THSD7A: variants seen among roughly 807,000 people sequenced by gnomAD.
THSD7A encodes thrombospondin type 1 domain containing 7A.
THSD7A carries 96 observed loss-of-function variants against 231.3 expected under a neutral mutation model. That is an observed-to-expected ratio of 0.41 (90% CI 0.35 to 0.49). THSD7A has a LOEUF of 0.49. Ranked by LOEUF, THSD7A falls within the 20% of genes least tolerant of loss-of-function variation. The pLI is 0.05. For missense variants in THSD7A, 2,290 were observed against 2,070.2 expected (o/e 1.11, Z -2.06); for synonymous variants, 940 against 743.3 (o/e 1.26, Z -4.30).
At chr7:11,546,240 T>A (rs1368435417) in intron 4 of THSD7A, among the ~76,000 whole-genome samples, 1 of 111,730 alleles carries the variant, frequency 9.0e-6, no homozygotes, top group Non-Finnish European at 1.8e-5. Context: ...ACGTGGACCC[T>A]GCCACACTGC....
chr7:11,793,803 C>CA (rs1784038538), intron 1 of THSD7A, among the ~76,000 whole-genome samples: 1 of 151,806 alleles, frequency 6.6e-6, no homozygotes, highest in South Asian at 2.1e-4. Flanking sequence ...TTAATGTTGG[C>CA]ATGTTGCTTT....
intron 1 of THSD7A, among the ~76,000 whole-genome samples, chr7:11,793,822 A>C (rs1017056126): frequency 6.6e-6 from 1 of 151,956 alleles, no homozygotes; most frequent in Non-Finnish European, 1.5e-5. Context: ...TTGGACTTCC[A>C]ATGTGGGTGT....
intron 17 of THSD7A, among the ~76,000 whole-genome samples, chr7:11,413,291 T>C (rs60091879): frequency 6.6e-6 from 1 of 151,368 alleles, no homozygotes; most frequent in Admixed American, 6.6e-5. Flanking sequence ...TAATTTAGAA[T>C]TGAGAAAAAA....
intron 4 of THSD7A, among the ~76,000 whole-genome samples, chr7:11,547,246 C>G (rs1789438667): frequency 6.6e-6 from 1 of 152,138 alleles, no homozygotes; most frequent in African/African-American, 2.4e-5. Flanking sequence ...ACTACAAAAA[C>G]AAATCTAGAC....
chr7:11,407,012 A>G lies in THSD7A; in HGVS notation c.3960T>C (p.Gly1320=). 1 of 1,613,836 alleles carries G rather than the reference A, an allele frequency of 6.2e-7. No homozygotes were observed. The change falls in exon 21 of 28, where the codon GGT becomes GGC. Residue 1320 remains glycine, a synonymous_variant. Transcript: ENST00000423059. The part of the protein sequence containing the change: ...RRRTVTQPFQ[G]DGRPCPSLMD... Reference sequence around the variant, plus strand: ...TCAGGGAAGGGCATGGTCTTCCATCACCTTGAAAGGGCTGGGTCACTGTTC... The same window carrying G: ...TCAGGGAAGGGCATGGTCTTCCATCGCCTTGAAAGGGCTGGGTCACTGTTC...
At chr7:11,483,891 C>T (rs1325294410) in intron 6 of THSD7A, among the ~76,000 whole-genome samples, 4 of 152,218 alleles carry the variant, frequency 2.6e-5, no homozygotes, top group East Asian at 1.9e-4. Context: ...GACTTTGCTA[C>T]AAGGGTGCCA....
chr7:11,562,482 AT>A (rs113926690), intron 4 of THSD7A, among the ~76,000 whole-genome samples: 15 of 151,488 alleles, frequency 9.9e-5, no homozygotes, highest in Non-Finnish European at 1.8e-4. Context: ...CCTGATACGT[AT>A]TTTTTTTTCC....
In THSD7A at chr7:11,461,553, A is replaced by C. The variant is rs541677929; in HGVS notation, c.2501+458T>G. 5.3e-5 allele frequency among the ~76,000 whole-genome samples: 8 copies of C among 152,296 alleles called. No homozygotes were observed. The East Asian group carries it at 1.5e-3, about 29-fold the overall frequency. On this transcript the variant is annotated intron_variant, in intron 10 of 27. Coordinates refer to ENST00000423059, the MANE Select transcript of THSD7A (RefSeq NM_015204.3). Reference sequence around the variant, plus strand: ...TGAGGTGATCACAAATGAACAGAACAGCCATCTTACCAGCATCATTGAGAT... The same window carrying C: ...TGAGGTGATCACAAATGAACAGAACCGCCATCTTACCAGCATCATTGAGAT...
At chr7:11,423,160 C>A (rs1370865745) in intron 16 of THSD7A, among the ~76,000 whole-genome samples, 1 of 152,160 alleles carries the variant, frequency 6.6e-6, no homozygotes, top group African/African-American at 2.4e-5. Context: ...ATTGAGAGTT[C>A]AGATGGGCTT....
intron 1 of THSD7A, among the ~76,000 whole-genome samples, chr7:11,781,069 A>G (rs55709709): frequency 0.2 from 30,032 of 148,238 alleles, 3,379 homozygotes; most frequent in African/African-American, 0.29. Context: ...GCAATGAAAT[A>G]TCACAGAGGA....
At chr7:11,453,461 A>G (rs983841808) in intron 11 of THSD7A, among the ~76,000 whole-genome samples, 1 of 151,872 alleles carries the variant, frequency 6.6e-6, no homozygotes, top group South Asian at 2.1e-4. Context: ...TTTGTGGTCT[A>G]GATTCAAGAA....
At position 11,745,664 on chromosome 7, in the gene THSD7A, G is replaced by A. The variant is rs1336817522; in HGVS notation, c.190+86093C>T. Among the ~76,000 whole-genome samples, 9 of 152,092 alleles carry A rather than the reference G, an allele frequency of 5.9e-5. No homozygotes were observed. In the East Asian group the frequency reaches 1.8e-3, roughly 30 times the overall value. ...ATCCAGTTTCAGCTTTCTACATATG[G>A]CCAGCCAGTTTTCCCAGCACCATTT... On this transcript the variant is annotated intron_variant, in intron 1 of 27. Transcript: ENST00000423059.
At chr7:11,698,541 C>G (rs1361793985) in intron 1 of THSD7A, among the ~76,000 whole-genome samples, 1 of 151,336 alleles carries the variant, frequency 6.6e-6, no homozygotes, top group Admixed American at 6.6e-5. Context: ...CCCAACTGGG[C>G]CTACAGAAGC....
chr7:11,674,451 C>G (rs1306271557), intron 1 of THSD7A, among the ~76,000 whole-genome samples: 2 of 152,134 alleles, frequency 1.3e-5, no homozygotes, highest in Non-Finnish European at 2.9e-5. Context: ...CAGTGTCTAT[C>G]TGCTGGCTCT....
At chr7:11,427,921 C>T (rs1180547915) in intron 14 of THSD7A, among the ~76,000 whole-genome samples, 1 of 152,116 alleles carries the variant, frequency 6.6e-6, no homozygotes. Context: ...AAATCAGCAA[C>T]TTCACTTGGG....
In THSD7A at chr7:11,412,814, G is replaced by A. The variant is rs1402434159; in HGVS notation, c.3538-14C>T. On this transcript the variant is annotated splice_polypyrimidine_tract_variant and intron_variant, in intron 17 of 27. Transcript: ENST00000423059. ...TTGATTGCAAGGCTTAAAAAGAACA[G>A]TACAAATTCTCAGAAAGGTGAATAC... 6.2e-7 allele frequency: 1 copy of A among 1,605,678 alleles called. No homozygotes were observed. The highest frequency in any genetic ancestry group is 8.5e-7 in the Non-Finnish European group (1 of 1,175,472).
chr7:11,823,961 T>A lies in THSD7A; in HGVS notation c.190+7796A>T, dbSNP rs980971682. On this transcript the variant is annotated intron_variant, in intron 1 of 27. Coordinates refer to ENST00000423059, the MANE Select transcript of THSD7A (RefSeq NM_015204.3). The stretch of plus-strand genomic sequence containing the variant: ...ACAAGATATAAACAGTAGTGTTTTT[T>A]AAAAATAATTCAAATGATCACCTAT... 2.6e-5 allele frequency among the ~76,000 whole-genome samples: 4 copies of A among 152,092 alleles called. No individual in the cohort carries two copies. The South Asian group carries it at 8.3e-4, about 32-fold the overall frequency.
intron 1 of THSD7A, among the ~76,000 whole-genome samples, chr7:11,830,899 T>C (rs1562585646): frequency 6.6e-6 from 1 of 152,224 alleles, no homozygotes; most frequent in South Asian, 2.1e-4. Context: ...GGAATAATCT[T>C]TTCCCATTTT....
chr7:11,628,286 G>A (rs1378402718), intron 2 of THSD7A, among the ~76,000 whole-genome samples: 1 of 152,042 alleles, frequency 6.6e-6, no homozygotes, highest in Non-Finnish European at 1.5e-5. Context: ...TTCTCTTCTA[G>A]GCTAGTTCCT....
Sources: gnomAD v4.1 joint callset for allele counts (sites outside exome capture counted in the v4.1 genomes callset) on GRCh38, gnomAD v4.1.1 for gene constraint, MANE v1.5 for transcripts, NCBI Gene and HGNC (gene_info 2026-07-23, HGNC 2026-07-21) for gene names.